The following CDH13 variants were observed in gnomAD, a reference collection of about 807,000 sequenced individuals.
CDH13 encodes the protein cadherin-13.
In CDH13, 24 loss-of-function variants were observed where a neutral mutation model predicts 63.8. That is an observed-to-expected ratio of 0.38 (90% CI 0.27 to 0.53). The LOEUF (loss-of-function observed/expected upper bound fraction) is 0.53, where lower values mean the gene tolerates loss of function less well. Among genes scored for constraint, CDH13 ranks in the 20% least tolerant of loss-of-function variants. CDH13 has a pLI of 0.85. For synonymous variants in CDH13, 503 were observed against 355.3 expected, an observed-to-expected ratio of 1.42 and a Z score of -4.67; for missense variants, 1,049 against 903.1, an observed-to-expected ratio of 1.16 and a Z score of -2.07.
At chr16:83,565,105 G>A (rs1228754432) in intron 7 of CDH13, among the ~76,000 whole-genome samples, 2 of 152,082 alleles carry the variant, frequency 1.3e-5, no homozygotes, top group South Asian at 2.1e-4. Context: ...AGGTCTGTGG[G>A]TCCTCTTTCA....
intron 1 of CDH13, among the ~76,000 whole-genome samples, chr16:82,848,372 C>T (rs1055860753): frequency 1.1e-4 from 16 of 152,160 alleles, no homozygotes; most frequent in Admixed American, 5.9e-4. Context: ...AAGAATAACC[C>T]AATTTGTAGG....
intron 6 of CDH13, among the ~76,000 whole-genome samples, chr16:83,479,843 C>T (rs1354637564): frequency 6.6e-6 from 1 of 152,020 alleles, no homozygotes. Flanking sequence ...TGCAAGGGGC[C>T]ATAGCACATA....
chr16:83,045,809 A>T (rs973200199), intron 3 of CDH13, among the ~76,000 whole-genome samples: 1 of 152,210 alleles, frequency 6.6e-6, no homozygotes, highest in African/African-American at 2.4e-5. Context: ...GGTACCATTT[A>T]TTCAGTCTTT....
intron 4 of CDH13, among the ~76,000 whole-genome samples, chr16:83,146,013 G>T (rs908198998): frequency 3.3e-5 from 5 of 152,046 alleles, no homozygotes; most frequent in Non-Finnish European, 7.4e-5. Context: ...GGCCAACTTG[G>T]TGAAACCCCA....
intron 3 of CDH13, among the ~76,000 whole-genome samples, chr16:83,043,849 A>G (rs532667087): frequency 9.2e-5 from 14 of 152,042 alleles, no homozygotes; most frequent in Non-Finnish European, 1.9e-4. Context: ...AAAAAAATCA[A>G]TATGAACATT....
At chr16:82,852,409 T>G (rs1320470016) in intron 1 of CDH13, among the ~76,000 whole-genome samples, 1 of 152,174 alleles carries the variant, frequency 6.6e-6, no homozygotes, top group Non-Finnish European at 1.5e-5. Context: ...CTGGGCTCTT[T>G]CTATTGGATG....
chr16:83,406,455 C>T (rs2081260), intron 6 of CDH13, among the ~76,000 whole-genome samples: 85,430 of 149,186 alleles, frequency 0.57, 25,222 homozygotes, highest in East Asian at 0.82. Flanking sequence ...TCCCCTTTCT[C>T]TTTTTCTCTC....
intron 5 of CDH13, among the ~76,000 whole-genome samples, chr16:83,263,539 CTA>C (rs1460612893): frequency 6.6e-6 from 1 of 152,176 alleles, no homozygotes; most frequent in East Asian, 1.9e-4. Flanking sequence ...TGACTCCTCC[CTA>C]GCCACCGCCC....
At chr16:83,263,816 A>T (rs770879169) in intron 5 of CDH13, among the ~76,000 whole-genome samples, 5 of 152,270 alleles carry the variant, frequency 3.3e-5, no homozygotes, top group African/African-American at 9.6e-5. Context: ...TTTCCTGCCC[A>T]TGTGTACTAC....
intron 6 of CDH13, among the ~76,000 whole-genome samples, chr16:83,443,749 TATA>T (rs1567676286): frequency 5.8e-5 from 7 of 120,002 alleles, no homozygotes; most frequent in African/African-American, 2.6e-4. Flanking sequence ...TATATATATA[TATA>T]TATATATATA....
chr16:82,642,540 T>C (rs1326060344), intron 1 of CDH13, among the ~76,000 whole-genome samples: 1 of 152,230 alleles, frequency 6.6e-6, no homozygotes, highest in African/African-American at 2.4e-5. Context: ...TAAATGTGCA[T>C]ATGATGAGAC....
At chr16:82,966,267 G>C (rs937581071) in intron 2 of CDH13, among the ~76,000 whole-genome samples, 11 of 152,112 alleles carry the variant, frequency 7.2e-5, no homozygotes, top group African/African-American at 2.7e-4. Flanking sequence ...TCCTGCCTCA[G>C]CCTCCCGAGT....
intron 7 of CDH13, among the ~76,000 whole-genome samples, chr16:83,585,505 G>A (rs770532318): frequency 4.6e-5 from 7 of 152,090 alleles, no homozygotes; most frequent in Non-Finnish European, 1.0e-4. Flanking sequence ...AGCTTGCTTT[G>A]GGCCATGCTG....
intron 2 of CDH13, among the ~76,000 whole-genome samples, chr16:82,956,359 A>C (rs7192648): frequency 0.43 from 60,609 of 141,734 alleles, 12,734 homozygotes; most frequent in East Asian, 0.62. Context: ...AGTCTTTAAT[A>C]TCTAATTTCT....
At chr16:83,464,137 G>C (rs915134861) in intron 6 of CDH13, among the ~76,000 whole-genome samples, 1 of 152,106 alleles carries the variant, frequency 6.6e-6, no homozygotes, top group Non-Finnish European at 1.5e-5. Context: ...GCAGTGGTGT[G>C]ATCTCAGCTC....
At chr16:82,976,837 G>A (rs1432308813) in intron 2 of CDH13, among the ~76,000 whole-genome samples, 1 of 152,170 alleles carries the variant, frequency 6.6e-6, no homozygotes, top group Non-Finnish European at 1.5e-5. Flanking sequence ...CTCGGAGTTG[G>A]CATTTCTGTT....
chr16:83,153,520 T>C (rs1269298501), intron 4 of CDH13, among the ~76,000 whole-genome samples: 1 of 152,204 alleles, frequency 6.6e-6, no homozygotes, highest in Non-Finnish European at 1.5e-5. Context: ...AGGGCTGTTA[T>C]CACCTTTGTT....
chr16:83,706,824 C>A (rs552352397), intron 10 of CDH13, among the ~76,000 whole-genome samples: 2 of 152,290 alleles, frequency 1.3e-5, no homozygotes, highest in South Asian at 4.1e-4. Flanking sequence ...TAGGCTCTCA[C>A]GATCAGGACA....
rs111977482 is a variant in CDH13 at position 83,511,961 on chromosome 16, A to G, written c.960+25306A>G. Among the ~76,000 whole-genome samples the G allele has an allele frequency of 5.2e-3, 785 of 152,276 alleles. 7 individuals are homozygous for G. Among genetic ancestry groups the G allele is most frequent in the African/African-American group, 0.018 (733 of 41,542 alleles). Reference sequence around the variant, plus strand: ...TGCATGGGGCTTTTGCTTGGTGAATAGTTCCAGCACATGGTTAGTCCTCAG... The same window carrying G: ...TGCATGGGGCTTTTGCTTGGTGAATGGTTCCAGCACATGGTTAGTCCTCAG... On this transcript the variant is annotated intron_variant, in intron 7 of 13. Coordinates refer to ENST00000567109, the MANE Select transcript of CDH13 (RefSeq NM_001257.5).
Sources: gnomAD v4.1 joint callset for allele counts (sites outside exome capture counted in the v4.1 genomes callset) on GRCh38, gnomAD v4.1.1 for gene constraint, MANE v1.5 for transcripts, NCBI Gene and HGNC (gene_info 2026-07-23, HGNC 2026-07-21) for gene names.